The following C1orf21 variants were observed in gnomAD, a reference collection of about 807,000 sequenced individuals.
C1orf21 encodes the protein chromosome 1 open reading frame 21.
C1orf21 carries 3 observed loss-of-function variants against 18.7 expected under a neutral mutation model. The observed-to-expected ratio is 0.16, with a 90% CI of 0.07 to 0.42. C1orf21 has a LOEUF of 0.42. Among genes scored for constraint, C1orf21 ranks in the 10% least tolerant of loss-of-function variants. The pLI, the probability that C1orf21 is intolerant of heterozygous loss-of-function variation, is 0.99. For missense variants in C1orf21, 104 were observed against 143.6 expected, an observed-to-expected ratio of 0.72 and a Z score of 1.41; for synonymous variants, 41 against 46.4, an observed-to-expected ratio of 0.88 and a Z score of 0.47.
At chr1:184,580,864 C>T (rs1659265262) in intron 3 of C1orf21, among the ~76,000 whole-genome samples, 1 of 152,114 alleles carries the variant, frequency 6.6e-6, no homozygotes, top group African/African-American at 2.4e-5. Flanking sequence ...ATTTTGAAAT[C>T]CATGCATATT....
At chr1:184,452,849 G>C (rs1657142673) in intron 1 of C1orf21, among the ~76,000 whole-genome samples, 1 of 152,096 alleles carries the variant, frequency 6.6e-6, no homozygotes, top group African/African-American at 2.4e-5. Context: ...GACCGGCTCT[G>C]TTTGATGAGA....
chr1:184,459,999 T>G (rs985133528), intron 1 of C1orf21, among the ~76,000 whole-genome samples: 4 of 152,182 alleles, frequency 2.6e-5, no homozygotes, highest in Non-Finnish European at 5.9e-5. Context: ...TCCGTTTCTC[T>G]CCAGCTCTTG....
chr1:184,424,009 T>A (rs1656590571), intron 1 of C1orf21, among the ~76,000 whole-genome samples: 1 of 152,232 alleles, frequency 6.6e-6, no homozygotes, highest in Non-Finnish European at 1.5e-5. Flanking sequence ...TCTAGTCTCA[T>A]ACTTGGTGTC....
chr1:184,584,592 C>T (rs1318053040), intron 3 of C1orf21, among the ~76,000 whole-genome samples: 2 of 152,150 alleles, frequency 1.3e-5, no homozygotes, highest in African/African-American at 2.4e-5. Flanking sequence ...GAAATGAAAA[C>T]GTGTCTACAA....
chr1:184,490,298 A>G (rs937997661), intron 2 of C1orf21, among the ~76,000 whole-genome samples: 1 of 152,276 alleles, frequency 6.6e-6, no homozygotes, highest in African/African-American at 2.4e-5. Flanking sequence ...CAATAGATGG[A>G]CATCTTGACA....
chr1:184,480,817 G>C (rs79400801), intron 2 of C1orf21, among the ~76,000 whole-genome samples: 1,744 of 152,292 alleles, frequency 0.011, 18 homozygotes, highest in South Asian at 0.035. Flanking sequence ...GGAGTGAGCA[G>C]TTGGGGGTCT....
intron 1 of C1orf21, among the ~76,000 whole-genome samples, chr1:184,471,577 C>T (rs908349769): frequency 1.3e-5 from 2 of 152,022 alleles, no homozygotes; most frequent in South Asian, 4.2e-4. Flanking sequence ...AGGCATGTGA[C>T]AGCTGGGACC....
intron 2 of C1orf21, among the ~76,000 whole-genome samples, chr1:184,479,919 G>A (rs576975546): frequency 9.9e-5 from 15 of 152,102 alleles, no homozygotes; most frequent in African/African-American, 2.9e-4. Context: ...CACCACACCC[G>A]GCCCTCATTC....
At chr1:184,410,971 C>T (rs1656343080) in intron 1 of C1orf21, among the ~76,000 whole-genome samples, 1 of 151,680 alleles carries the variant, frequency 6.6e-6, no homozygotes, top group Admixed American at 6.6e-5. Flanking sequence ...TTTTCTCCCC[C>T]TAAATCTCTG....
At chr1:184,469,260 C>A (rs1450671805) in intron 1 of C1orf21, among the ~76,000 whole-genome samples, 1 of 152,018 alleles carries the variant, frequency 6.6e-6, no homozygotes, top group African/African-American at 2.4e-5. Flanking sequence ...AAAAACAAAA[C>A]AAACGAACAA....
Position 184,622,599 on chromosome 1 carries a change from T to G in C1orf21, c.*3043T>G, listed in dbSNP as rs1348808710. Reference sequence around the variant, plus strand: ...GGCTTGCAGAGAACACAGAGTGGTGTTGTGGTCTATTTAGGGACAAAGAAG... The same window carrying G: ...GGCTTGCAGAGAACACAGAGTGGTGGTGTGGTCTATTTAGGGACAAAGAAG... On this transcript the variant is annotated 3_prime_UTR_variant, in exon 6 of 6. Transcript: ENST00000235307. 1 of 152,650 alleles carries G rather than the reference T, an allele frequency of 6.6e-6. No homozygotes were observed. Among genetic ancestry groups the G allele is most frequent in the African/African-American group, 2.4e-5 (1 of 41,432 alleles). The allele number at this position is 152,650 out of a possible 1,614,324, so 9.5% of individuals were successfully genotyped here. A position where few individuals can be genotyped will look rare whatever the true frequency, so the allele number is the denominator to read the frequency against.
At chr1:184,535,209 G>C (rs1220065049) in intron 3 of C1orf21, among the ~76,000 whole-genome samples, 2 of 152,154 alleles carry the variant, frequency 1.3e-5, no homozygotes, top group Non-Finnish European at 2.9e-5. Flanking sequence ...CTAGTAGTAA[G>C]AATGATTCGG....
At chr1:184,596,635 C>T (rs202230389) in intron 4 of C1orf21, among the ~76,000 whole-genome samples, 15 of 152,168 alleles carry the variant, frequency 9.9e-5, no homozygotes, top group Non-Finnish European at 2.1e-4. Flanking sequence ...TTTAGGAGGC[C>T]GAGGTGAGTG....
intron 5 of C1orf21, among the ~76,000 whole-genome samples, chr1:184,610,846 CAAAA>C (rs201966213): frequency 6.9e-5 from 5 of 72,362 alleles, no homozygotes; most frequent in Non-Finnish European, 5.9e-5. Context: ...GACTCTGACT[CAAAA>C]AAAAAAAAAA....
At chr1:184,602,765 AAAAT>A (rs1377578864) in intron 5 of C1orf21, among the ~76,000 whole-genome samples, 1 of 152,244 alleles carries the variant, frequency 6.6e-6, no homozygotes, top group African/African-American at 2.4e-5. Context: ...AAAAGCAGAA[AAAAT>A]AAATAAATTT....
intron 3 of C1orf21, among the ~76,000 whole-genome samples, chr1:184,517,174 T>A (rs1043440272): frequency 1.3e-5 from 2 of 152,230 alleles, no homozygotes; most frequent in African/African-American, 4.8e-5. Flanking sequence ...AAAAGGCTTG[T>A]AAATGAATGT....
chr1:184,579,754 C>T (rs1659251351), intron 3 of C1orf21, among the ~76,000 whole-genome samples: 1 of 151,986 alleles, frequency 6.6e-6, no homozygotes, highest in Non-Finnish European at 1.5e-5. Flanking sequence ...CGTGATCCAC[C>T]CTCCTCGGCC....
rs1251872832 is a variant in C1orf21 at position 184,621,408 on chromosome 1, G to A, written c.*1852G>A. The A allele has an allele frequency of 1.3e-5, 2 of 152,632 alleles. No homozygotes were observed. The highest frequency in any genetic ancestry group is 3.9e-4 in the East Asian group (2 of 5,192). The allele number at this position is 152,632 out of a possible 1,614,324, so 9.5% of individuals were successfully genotyped here. On this transcript the variant is annotated 3_prime_UTR_variant, in exon 6 of 6. Transcript: ENST00000235307. Reference sequence around the variant, plus strand: ...AGCAGAAAAATGCAGGGAGAGTCAAGTAGTCTAGGGTTTCAGGTTGCCTCC... The same window carrying A: ...AGCAGAAAAATGCAGGGAGAGTCAAATAGTCTAGGGTTTCAGGTTGCCTCC...
chr1:184,482,553 T>C (rs1054075853), intron 2 of C1orf21, among the ~76,000 whole-genome samples: 1 of 152,236 alleles, frequency 6.6e-6, no homozygotes, highest in Non-Finnish European at 1.5e-5. Flanking sequence ...TGGACAATTA[T>C]ATTCTGCTTT....
Sources: gnomAD v4.1 joint callset for allele counts (sites outside exome capture counted in the v4.1 genomes callset) on GRCh38, gnomAD v4.1.1 for gene constraint, MANE v1.5 for transcripts, NCBI Gene and HGNC (gene_info 2026-07-23, HGNC 2026-07-21) for gene names.